TTN: variants seen among roughly 807,000 people sequenced by gnomAD.
The protein encoded by TTN is titin.
In TTN, 1,525 loss-of-function variants were observed where a neutral mutation model predicts 3,223.0. The observed-to-expected ratio is 0.47, with a 90% CI of 0.45 to 0.49. The LOEUF (loss-of-function observed/expected upper bound fraction) is 0.49, where lower values mean the gene tolerates loss of function less well. TTN is among the 20% of genes least tolerant of loss of function. The probability of loss-of-function intolerance (pLI) is 0.00; values close to 1 mark genes in which losing one functional copy is unlikely to be tolerated. For synonymous variants in TTN, 14,094 were observed against 15,161.0 expected (o/e 0.93, Z 5.17); for missense variants, 40,786 against 43,424.0 (o/e 0.94, Z 5.40).
Position 178,720,057 on chromosome 2 carries a change from T to G in TTN, c.23585A>C (p.Asn7862Thr), listed in dbSNP as rs794729629. ...GATTTGGCATATATATTTTCCAGAA[T>G]TAGATGCTTCTGGACTCCCCAGCTG... ...TLQLGSPEAS[N>T]SGKYICQIKN... is the part of the protein sequence containing the mutation. Residue 7862 changes from asparagine (N) to threonine (T), a missense_variant, in exon 81 of 363, where the codon AAT (asparagine) becomes ACT (threonine). Transcript: ENST00000589042. The G allele has an allele frequency of 6.2e-7, 1 of 1,613,594 alleles. No homozygotes were observed. Among genetic ancestry groups the G allele is most frequent in the South Asian group, 1.1e-5 (1 of 91,066 alleles).
In TTN at chr2:178,714,119, A is replaced by C; in HGVS notation, c.26539T>G (p.Cys8847Gly). 1 of 1,613,752 alleles carries C rather than the reference A, an allele frequency of 6.2e-7. No individual in the cohort carries two copies. The highest frequency in any genetic ancestry group is 8.5e-7 in the Non-Finnish European group (1 of 1,179,746). Residue 8847 changes from cysteine (C) to glycine (G), a missense_variant, in exon 92 of 363, where the codon TGT becomes GGT. Cys to Gly is a radical substitution (Grantham distance 159). Coordinates refer to ENST00000589042, the MANE Select transcript of TTN (RefSeq NM_001267550.2). ...CCAGCTACTGTACACTCCAAGGTACAGGTGTCTCCCGTGGTAACTTTTATG... is the reference window on the plus strand; with the variant it reads ...CCAGCTACTGTACACTCCAAGGTACCGGTGTCTCCCGTGGTAACTTTTATG... Reference protein sequence around the residue: ...ESIKVTTGDTCTLECTVAGTP... With the variant: ...ESIKVTTGDTGTLECTVAGTP...
At chr2:178,602,614 G>C (rs1374846549) in intron 282 of TTN, 24 bp from the exon 283 acceptor site, 14 of 1,451,410 alleles carry the variant, frequency 9.6e-6, no homozygotes, top group Non-Finnish European at 1.3e-5. Context: ...AAAAAAAAAA[G>C]CTTCATCAGA....
At position 178,535,964 on chromosome 2, in the gene TTN, T is replaced by C; in HGVS notation, c.100765+18A>G. 1 of 1,524,136 alleles carries C rather than the reference T, an allele frequency of 6.6e-7. No homozygotes were observed. Among genetic ancestry groups the C allele is most frequent in the Non-Finnish European group, 8.8e-7 (1 of 1,139,734 alleles). 94.4% of individuals were successfully genotyped at this position (1,524,136 alleles called of 1,614,324 possible). A position where few individuals can be genotyped will look rare whatever the true frequency, so the allele number is the denominator to read the frequency against. On this transcript the variant is annotated intron_variant, in intron 357 of 362. Transcript: ENST00000589042. ...AACTCATTTAGCCTCAACTTGATGA[T>C]AATTTATTTATTTTTACCTTCCACT...
In TTN at chr2:178,536,955, A is replaced by G; in HGVS notation, c.100154T>C (p.Ile33385Thr). 1 of 1,610,766 alleles carries G rather than the reference A, an allele frequency of 6.2e-7. No individual in the cohort carries two copies. Among genetic ancestry groups the G allele is most frequent in the Non-Finnish European group, 8.5e-7 (1 of 1,177,614 alleles). Residue 33385 changes from isoleucine (I) to threonine (T), a missense_variant, in exon 356 of 363, where the codon ATC (isoleucine) becomes ACC (threonine). By Grantham distance (89) the Ile-to-Thr change is moderately conservative (BLOSUM62 -1). Transcript: ENST00000589042. Reference sequence around the variant, plus strand: ...GTACTCACCAAATGGACTCTTAATGATCACAACTGAGGACACTTCTAGAGG... The same window carrying G: ...GTACTCACCAAATGGACTCTTAATGGTCACAACTGAGGACACTTCTAGAGG... ...SDPLEVSSVV[I>T]IKSPFEKPGA...
chr2:178,801,264 G>C (rs1017129555), intron 3 of TTN, among the ~76,000 whole-genome samples: 1 of 152,128 alleles, frequency 6.6e-6, no homozygotes, highest in African/African-American at 2.4e-5. Flanking sequence ...TACAGAAAGG[G>C]GATTTTTTTG....
chr2:178,732,905 G>A lies in TTN; in HGVS notation c.16271C>T (p.Ala5424Val), dbSNP rs1466084495. The stretch of plus-strand genomic sequence containing the variant: ...TGTGGCTCGACAAGTGAAATTCCCT[G>A]CATCATTCATGTCTACTCTGATGAT... ...LEIIRVDMNDAGNFTCRATNS... is the reference protein window; with the variant it reads ...LEIIRVDMNDVGNFTCRATNS... The change falls in exon 55 of 363, where the codon GCA (alanine) becomes GTA (valine). Residue 5424 changes from alanine (A) to valine (V), a missense_variant. Coordinates refer to ENST00000589042, the MANE Select transcript of TTN (RefSeq NM_001267550.2). 1 of 1,613,444 alleles carries A rather than the reference G, an allele frequency of 6.2e-7. No homozygotes were observed. The highest frequency in any genetic ancestry group is 8.5e-7 in the Non-Finnish European group (1 of 1,179,700).
In TTN at chr2:178,577,000, A is replaced by C. The variant is rs1379413245; in HGVS notation, c.69335T>G (p.Phe23112Cys). 1.5e-5 allele frequency: 24 copies of C among 1,613,356 alleles called. No individual in the cohort carries two copies. The highest frequency in any genetic ancestry group is 2.0e-5 in the Non-Finnish European group (24 of 1,179,574). Residue 23112 changes from phenylalanine (F) to cysteine (C), a missense_variant, in exon 324 of 363, where the codon TTC becomes TGC. Coordinates refer to ENST00000589042, the MANE Select transcript of TTN (RefSeq NM_001267550.2). This position sits in a 1 kb window ranked among gnomAD's most constrained non-coding sequence, Gnocchi z 4.3. ...TKLIQGNEYI[F>C]RVSAVNHYGK... The stretch of plus-strand genomic sequence containing the variant: ...ATAGTGGTTTACAGCTGAGACCCGG[A>C]AGATGTACTCATTTCCTTGGATAAG...
At chr2:178,597,009 C>T (rs981843210) in intron 294 of TTN, among the ~76,000 whole-genome samples, 2 of 152,020 alleles carry the variant, frequency 1.3e-5, no homozygotes, top group Non-Finnish European at 1.5e-5. Context: ...GATAATTTAG[C>T]GATAGGGGTA....
chr2:178,543,191 T>C lies in TTN; in HGVS notation c.96782A>G (p.Glu32261Gly), dbSNP rs1060500578. Residue 32261 changes from glutamate (E) to glycine (G), a missense_variant, in exon 347 of 363, where the codon GAG (glutamate) becomes GGG (glycine). Transcript: ENST00000589042. Reference protein sequence around the residue: ...KVVTLKPTVLEHTVTSLNEGE... With the variant: ...KVVTLKPTVLGHTVTSLNEGE... Reference sequence around the variant, plus strand: ...TTCATTTAAGGAAGTAACAGTGTGCTCTAGGACTGTGGGTTTTAAGGTGAC... The same window carrying C: ...TTCATTTAAGGAAGTAACAGTGTGCCCTAGGACTGTGGGTTTTAAGGTGAC... 4 of 1,613,684 alleles carry C rather than the reference T, an allele frequency of 2.5e-6. No individual in the cohort carries two copies. The highest frequency in any genetic ancestry group is 1.7e-5 in the Admixed American group (1 of 59,982).
intron 209 of TTN, 117 bp from the exon 210 acceptor site, chr2:178,650,388 CTCTTA>C: frequency 2.0e-6 from 2 of 1,009,050 alleles, no homozygotes; most frequent in East Asian, 5.3e-5. Context: ...TTGATACCTT[CTCTTA>C]TTTTTGTTTA....
rs1060500538 is a variant in TTN at position 178,531,118 on chromosome 2, C to A, written c.105497G>T (p.Gly35166Val). 6.2e-7 allele frequency: 1 copy of A among 1,613,938 alleles called. No individual in the cohort carries two copies. The highest frequency in any genetic ancestry group is 1.7e-5 in the Admixed American group (1 of 60,018). Residue 35166 changes from glycine to valine, a missense_variant, in exon 358 of 363, where the codon GGA (glycine) becomes GTA (valine). By Grantham distance (109) the Gly-to-Val change is moderately radical. Transcript: ENST00000589042. ...PVPTVTWLRK[G>V]QVLSTSARHQ... is the part of the protein sequence containing the mutation. ...GCGGGCAGAAGTACTTAGCACTTGT[C>A]CTTTACGCAGCCAGGTCACAGTTGG...
intron 270 of TTN, 63 bp downstream of exon 270, chr2:178,610,930 G>A (rs993629502): frequency 1.3e-6 from 2 of 1,590,852 alleles, no homozygotes; most frequent in African/African-American, 2.7e-5. Context: ...TAATAGCACT[G>A]CAAAGTTAAC....
Position 178,635,971 on chromosome 2 carries a change from T to A in TTN, c.41600A>T (p.Lys13867Ile), listed in dbSNP as rs2060384934. 6.3e-7 allele frequency: 1 copy of A among 1,595,466 alleles called. No individual in the cohort carries two copies. The highest frequency in any genetic ancestry group is 1.3e-5 in the African/African-American group (1 of 74,438). The stretch of plus-strand genomic sequence containing the variant: ...CCCAGGAAAGTACTAACCTACTACT[T>A]TTACGCAAGATGAACACTCCAGGTT... ...ANNLECSSCV[K>I]VVEVIRDWLV... is the part of the protein sequence containing the mutation. Residue 13867 changes from lysine to isoleucine, a missense_variant, in exon 226 of 363, where the codon AAA (lysine) becomes ATA (isoleucine). Transcript: ENST00000589042.
chr2:178,536,443 T>G lies in TTN; in HGVS notation c.100304A>C (p.Lys33435Thr), dbSNP rs1311083435. The G allele has an allele frequency of 6.2e-7, 1 of 1,612,144 alleles. No individual in the cohort carries two copies. The highest frequency in any genetic ancestry group is 1.3e-5 in the African/African-American group (1 of 74,804). The change falls in exon 357 of 363, where the codon AAG (lysine) becomes ACG (threonine). Residue 33435 changes from lysine to threonine, a missense_variant. Lys to Thr is a moderately conservative substitution (Grantham distance 78, BLOSUM62 -1). Transcript: ENST00000589042. ...RNYYLEKREK[K>T]QNKWISVTTE... ...TGTCACAGAAATCCATTTATTCTGCTTCTTCTCACGCTTCTCAAGGTAGTA... is the reference window on the plus strand; with the variant it reads ...TGTCACAGAAATCCATTTATTCTGCGTCTTCTCACGCTTCTCAAGGTAGTA...
chr2:178,618,315 C>G lies in TTN; in HGVS notation c.47143G>C (p.Glu15715Gln), dbSNP rs764958886. ...TTCTGTAGACCAGTGACAGTAAACT[C>G]ACAACTCTCTGCACGGTCTGTGGCC... ...VLATDRAESC[E>Q]FTVTGLQKGG... The change falls in exon 252 of 363, where the codon GAG (glutamate) becomes CAG (glutamine). Residue 15715 changes from glutamate (E) to glutamine (Q), a missense_variant. Coordinates refer to ENST00000589042, the MANE Select transcript of TTN (RefSeq NM_001267550.2). The G allele has an allele frequency of 1.9e-6, 3 of 1,612,648 alleles. No individual in the cohort carries two copies. The highest frequency in any genetic ancestry group is 2.5e-6 in the Non-Finnish European group (3 of 1,179,130).
rs1446415238 is a variant in TTN at position 178,727,620 on chromosome 2, C to T, written c.19958G>A (p.Gly6653Asp). 1.3e-6 allele frequency: 2 copies of T among 1,596,868 alleles called. No homozygotes were observed. The highest frequency in any genetic ancestry group is 4.5e-5 in the East Asian group (2 of 44,678). The change falls in exon 68 of 363, where the codon GGT becomes GAT. Residue 6653 changes from glycine (G) to aspartate (D), a missense_variant. By Grantham distance (94) the Gly-to-Asp change is moderately conservative (BLOSUM62 -1). Coordinates refer to ENST00000589042, the MANE Select transcript of TTN (RefSeq NM_001267550.2). ...QYTCHVTNDV[G>D]SDSCTTMLLV... ...CAACATCGTAGTACAAGAGTCGCTA[C>T]CAACATCATTGGTAACATGGCAAGT...
At chr2:178,618,960 T>C (rs1460643002) in intron 250 of TTN, 107 bp from the exon 251 acceptor site, 1 of 1,415,798 alleles carries the variant, frequency 7.1e-7, no homozygotes, top group East Asian at 2.5e-5. Context: ...ACCTTGGAAG[T>C]AAGCTACAGT....
At chr2:178,622,641 T>C in intron 243 of TTN, 29 bp downstream of exon 243, 1 of 1,558,272 alleles carries the variant, frequency 6.4e-7, no homozygotes. Context: ...TATTTGACAG[T>C]ACAAGATGAC....
intron 47 of TTN, chr2:178,745,492 C>T (rs2083320596): frequency 6.4e-7 from 1 of 1,551,514 alleles, no homozygotes; most frequent in African/African-American, 1.4e-5. Flanking sequence ...TATGGTGGAC[C>T]TGTTTGGAAG....
Sources: allele counts gnomAD v4.1 joint callset (sites outside exome capture counted in the v4.1 genomes callset), GRCh38; gene constraint gnomAD v4.1.1; non-coding constraint Gnocchi (gnomAD v3.1); transcripts MANE v1.5; gene names NCBI Gene and HGNC (gene_info 2026-07-23, HGNC 2026-07-21).